The following JAKMIP2 variants were observed in gnomAD, a reference collection of about 807,000 sequenced individuals.
The protein encoded by JAKMIP2 is janus kinase and microtubule interacting protein 2, also known as janus kinase and microtubule-interacting protein 2.
In JAKMIP2, 25 loss-of-function variants were observed where a neutral mutation model predicts 115.0. That is an observed-to-expected ratio of 0.22 (90% CI 0.16 to 0.30). The LOEUF (loss-of-function observed/expected upper bound fraction) is 0.30. JAKMIP2 is among the 10% of genes least tolerant of loss of function. JAKMIP2 has a pLI of 1.00. For synonymous variants in JAKMIP2, 334 were observed against 343.6 expected, an observed-to-expected ratio of 0.97 and a Z score of 0.31; for missense variants, 642 against 957.6, an observed-to-expected ratio of 0.67 and a Z score of 4.35.
intron 1 of JAKMIP2, among the ~76,000 whole-genome samples, chr5:147,760,832 T>G (rs906998698): frequency 2.6e-5 from 4 of 152,190 alleles, no homozygotes; most frequent in Non-Finnish European, 4.4e-5. Flanking sequence ...TGGATGATTC[T>G]GGAGAATGAG....
rs377486816 is a variant in JAKMIP2 at position 147,628,836 on chromosome 5, C to T, written c.1930-20G>A. ...TAAATTCTGTAAAAAATAAGAAAGGCCGTCAGCTGAACATACTGACATTAT... is the reference window on the plus strand; with the variant it reads ...TAAATTCTGTAAAAAATAAGAAAGGTCGTCAGCTGAACATACTGACATTAT... On this transcript the variant is annotated intron_variant, in intron 15 of 21. Coordinates refer to ENST00000616793, the MANE Select transcript of JAKMIP2 (RefSeq NM_001270941.2). 30 of 1,593,656 alleles carry T rather than the reference C, an allele frequency of 1.9e-5. No homozygotes were observed. The African/African-American group carries it at 3.5e-4, about 19-fold the overall frequency.
rs148007857 is a variant in JAKMIP2 at position 147,699,034 on chromosome 5, T to C, written c.-148-27080A>G. 1.6e-3 allele frequency among the ~76,000 whole-genome samples: 247 copies of C among 152,344 alleles called. 4 individuals carry two copies. In the East Asian group the frequency reaches 0.025, roughly 15 times the overall value. ...TAAGATCTATTCACTGCCTACCTTT[T>C]CCTGTAATTTGTCTATGCTCTTCTA... On this transcript the variant is annotated intron_variant, in intron 1 of 21. Coordinates refer to ENST00000616793, the MANE Select transcript of JAKMIP2 (RefSeq NM_001270941.2).
chr5:147,588,126 C>A lies in JAKMIP2; in HGVS notation c.*3581G>T, dbSNP rs1020263872. Reference sequence around the variant, plus strand: ...TTGACATTCAATTTAGTAATAGATGCTTTTTAAGTATGATAGTCAAAGATA... The same window carrying A: ...TTGACATTCAATTTAGTAATAGATGATTTTTAAGTATGATAGTCAAAGATA... On this transcript the variant is annotated 3_prime_UTR_variant, in exon 22 of 22. Coordinates refer to ENST00000616793, the MANE Select transcript of JAKMIP2 (RefSeq NM_001270941.2). The A allele has an allele frequency of 6.6e-6, 1 of 151,960 alleles. No homozygotes were observed. The highest frequency in any genetic ancestry group is 2.4e-5 in the African/African-American group (1 of 41,356). The allele number at this position is 151,960 out of a possible 1,614,324, so 9.4% of individuals were successfully genotyped here. A position where few individuals can be genotyped will look rare whatever the true frequency, so the allele number is the denominator to read the frequency against.
At chr5:147,611,382 C>T (rs142991681) in intron 20 of JAKMIP2, among the ~76,000 whole-genome samples, 10 of 152,212 alleles carry the variant, frequency 6.6e-5, no homozygotes, top group South Asian at 2.1e-4. Context: ...GTATCTGGGC[C>T]GGAGTGCACC....
At chr5:147,686,897 T>C (rs756651109) in intron 1 of JAKMIP2, among the ~76,000 whole-genome samples, 3 of 152,220 alleles carry the variant, frequency 2.0e-5, no homozygotes, top group Non-Finnish European at 4.4e-5. Flanking sequence ...AATTTCTCAT[T>C]TTAAGTTTTA....
intron 1 of JAKMIP2, among the ~76,000 whole-genome samples, chr5:147,748,080 C>T (rs1228101981): frequency 6.6e-6 from 1 of 152,162 alleles, no homozygotes; most frequent in Admixed American, 6.5e-5. Context: ...GTTTCATAGA[C>T]TTATCTCACA....
intron 1 of JAKMIP2, among the ~76,000 whole-genome samples, chr5:147,681,762 C>A (rs1760293312): frequency 6.6e-6 from 1 of 151,992 alleles, no homozygotes; most frequent in African/African-American, 2.4e-5. Context: ...GACATACTGG[C>A]CAGGTGTGGA....
At chr5:147,605,850 T>G (rs1369692072) in intron 20 of JAKMIP2, among the ~76,000 whole-genome samples, 1 of 152,212 alleles carries the variant, frequency 6.6e-6, no homozygotes. Flanking sequence ...CATCTATTGT[T>G]TCCTGACTTT....
chr5:147,658,791 G>C (rs531263787), intron 3 of JAKMIP2, among the ~76,000 whole-genome samples: 2 of 152,006 alleles, frequency 1.3e-5, no homozygotes, highest in Non-Finnish European at 2.9e-5. Context: ...TGGTGAATTC[G>C]GCCCAGTCCA....
chr5:147,735,155 T>TTTACCAACAATAAGACCTTGGCCAAA (rs1479903544), intron 1 of JAKMIP2, among the ~76,000 whole-genome samples: 6 of 152,148 alleles, frequency 3.9e-5, no homozygotes, highest in Non-Finnish European at 7.3e-5. Context: ...GAGTGTTAGC[T>TTTACCAACAATAAGACCTTGGCCAAA]TTACCAACAA....
intron 1 of JAKMIP2, among the ~76,000 whole-genome samples, chr5:147,684,238 G>C (rs1395655949): frequency 7.5e-6 from 1 of 133,110 alleles, no homozygotes; most frequent in East Asian, 2.0e-4. Context: ...TTGTGGTAGA[G>C]TTAAAGATAA....
chr5:147,769,024 C>T (rs1341667930), intron 1 of JAKMIP2, among the ~76,000 whole-genome samples: 3 of 152,100 alleles, frequency 2.0e-5, no homozygotes, highest in Non-Finnish European at 4.4e-5. Flanking sequence ...TGGGCATGTT[C>T]CTTAACATTT....
At chr5:147,629,471 C>T (rs772242869) in intron 15 of JAKMIP2, among the ~76,000 whole-genome samples, 12 of 152,042 alleles carry the variant, frequency 7.9e-5, no homozygotes, top group Non-Finnish European at 1.6e-4. Flanking sequence ...AACCTGCCCG[C>T]AAAAAGCACT....
intron 19 of JAKMIP2, among the ~76,000 whole-genome samples, chr5:147,613,801 G>C (rs922965361): frequency 3.3e-5 from 5 of 152,166 alleles, no homozygotes; most frequent in African/African-American, 1.2e-4. Flanking sequence ...TTTAAAGTAA[G>C]GGGGCTAAGG....
At chr5:147,732,344 T>C (rs1430672910) in intron 1 of JAKMIP2, among the ~76,000 whole-genome samples, 4 of 152,214 alleles carry the variant, frequency 2.6e-5, no homozygotes, top group Non-Finnish European at 5.9e-5. Context: ...GTGGCTTCAT[T>C]TACAATAATT....
chr5:147,595,719 C>T (rs1192370242), intron 21 of JAKMIP2, among the ~76,000 whole-genome samples: 3 of 152,124 alleles, frequency 2.0e-5, no homozygotes, highest in African/African-American at 4.8e-5. Context: ...TTGTACTCTC[C>T]TTCCTTATTG....
chr5:147,716,689 G>C (rs1037352301), intron 1 of JAKMIP2, among the ~76,000 whole-genome samples: 2 of 149,254 alleles, frequency 1.3e-5, no homozygotes, highest in African/African-American at 4.9e-5. Context: ...TTTTGATGGG[G>C]TTGTTTGTTT....
Position 147,586,169 on chromosome 5 carries a change from A to G in JAKMIP2, c.*5538T>C, listed in dbSNP as rs1359840511. The G allele has an allele frequency of 1.3e-5, 2 of 152,194 alleles. No homozygotes were observed. Among genetic ancestry groups the G allele is most frequent in the African/African-American group, 4.8e-5 (2 of 41,430 alleles). The allele number at this position is 152,194 out of a possible 1,614,324, so 9.4% of individuals were successfully genotyped here. A position where few individuals can be genotyped will look rare whatever the true frequency, so the allele number is the denominator to read the frequency against. On this transcript the variant is annotated 3_prime_UTR_variant, in exon 22 of 22. Coordinates refer to ENST00000616793, the MANE Select transcript of JAKMIP2 (RefSeq NM_001270941.2). ...CAAACACTAAATGCTCGACAAAAAC[A>G]TGAGTTCCCAGCAGAAGCAGCAGCA...
At chr5:147,726,404 C>T (rs1003137673) in intron 1 of JAKMIP2, among the ~76,000 whole-genome samples, 1 of 152,206 alleles carries the variant, frequency 6.6e-6, no homozygotes, top group Admixed American at 6.5e-5. Flanking sequence ...AAAGGGAACA[C>T]AGAAGCCTGG....
Sources: allele counts gnomAD v4.1 joint callset (sites outside exome capture counted in the v4.1 genomes callset), GRCh38; gene constraint gnomAD v4.1.1; transcripts MANE v1.5; gene names NCBI Gene and HGNC (gene_info 2026-07-23, HGNC 2026-07-21).